Variants in BAZ2B observed in about 807,000 individuals in gnomAD.
BAZ2B encodes the protein bromodomain adjacent to zinc finger domain 2B.
In BAZ2B, 91 loss-of-function variants were observed where a neutral mutation model predicts 246.0. That is an observed-to-expected ratio of 0.37 (90% CI 0.31 to 0.44). The LOEUF is 0.44. BAZ2B is among the 20% of genes least tolerant of loss of function. BAZ2B has a pLI of 1.00. For synonymous variants in BAZ2B, 855 were observed against 860.0 expected, an observed-to-expected ratio of 0.99 and a Z score of 0.10; for missense variants, 2,332 against 2,533.7, an observed-to-expected ratio of 0.92 and a Z score of 1.71.
At chr2:159,343,731 A>G (rs1423260020) in intron 31 of BAZ2B, among the ~76,000 whole-genome samples, 1 of 152,198 alleles carries the variant, frequency 6.6e-6, no homozygotes, top group East Asian at 1.9e-4. Flanking sequence ...GCTATTATCA[A>G]AAAGAAAAAA....
chr2:159,475,310 T>C (rs1204398035), intron 3 of BAZ2B, among the ~76,000 whole-genome samples: 3 of 152,202 alleles, frequency 2.0e-5, no homozygotes, highest in African/African-American at 4.8e-5. Flanking sequence ...GTTGGTTCAA[T>C]CTCTGATATC....
chr2:159,674,419 G>T, the BAZ2B span, among the ~76,000 whole-genome samples: 1 of 151,198 alleles, frequency 6.6e-6, no homozygotes, highest in Admixed American at 6.6e-5. Flanking sequence ...GAAAAGAAAA[G>T]AAAAAAGAAT....
chr2:159,582,603 T>C (rs931214409), intron 1 of BAZ2B, among the ~76,000 whole-genome samples: 5 of 152,164 alleles, frequency 3.3e-5, no homozygotes, highest in Non-Finnish European at 7.3e-5. Flanking sequence ...CAGGCTGGTC[T>C]TGAACTCCTG....
intron 13 of BAZ2B, among the ~76,000 whole-genome samples, chr2:159,421,744 G>A (rs936050539): frequency 7.2e-5 from 11 of 151,840 alleles, no homozygotes; most frequent in South Asian, 2.1e-4. Flanking sequence ...AAATATCCAC[G>A]GTATTCAACA....
chr2:159,521,782 G>T (rs2084163282), intron 2 of BAZ2B, among the ~76,000 whole-genome samples: 1 of 152,030 alleles, frequency 6.6e-6, no homozygotes, highest in Admixed American at 6.5e-5. Context: ...ATCAATGGAT[G>T]CTACCAGAAG....
Position 159,385,243 on chromosome 2 carries a change from T to C in BAZ2B, c.3598A>G (p.Lys1200Glu), listed in dbSNP as rs1170265539. The C allele has an allele frequency of 1.2e-6, 2 of 1,613,496 alleles. No individual in the cohort carries two copies. Among genetic ancestry groups the C allele is most frequent in the Non-Finnish European group, 1.7e-6 (2 of 1,179,694 alleles). The change falls in exon 23 of 37, where the codon AAA becomes GAA. Residue 1200 changes from lysine (K) to glutamate (E), a missense_variant. Physicochemically the swap from Lys to Glu is moderately conservative, Grantham distance 56. Coordinates refer to ENST00000392783, the MANE Select transcript of BAZ2B (RefSeq NM_013450.4). ...GCTGGAGTGTGAGCCTGAAAAGCTT[T>C]GGTCTTCAGACTTTCAGTAAGCTCA... The part of the protein sequence containing the change: ...QTELTESLKT[K>E]AFQAHTPAQK...
intron 16 of BAZ2B, among the ~76,000 whole-genome samples, chr2:159,401,138 A>G (rs1197552274): frequency 6.6e-6 from 1 of 152,258 alleles, no homozygotes; most frequent in Non-Finnish European, 1.5e-5. Flanking sequence ...TCTGAAATTA[A>G]TATGATTTGA....
intron 25 of BAZ2B, among the ~76,000 whole-genome samples, chr2:159,376,284 A>G (rs1412712443): frequency 6.6e-6 from 1 of 152,220 alleles, no homozygotes; most frequent in African/African-American, 2.4e-5. Context: ...AGCCCAGATT[A>G]AAGAAAAATA....
intron 1 of BAZ2B, among the ~76,000 whole-genome samples, chr2:159,596,384 A>G (rs1559866295): frequency 6.6e-6 from 1 of 152,244 alleles, no homozygotes; most frequent in Non-Finnish European, 1.5e-5. Flanking sequence ...ATCCTGTTAG[A>G]AGCACGGCCC....
intron 13 of BAZ2B, among the ~76,000 whole-genome samples, chr2:159,414,777 A>G (rs1331760246): frequency 1.3e-5 from 2 of 151,534 alleles, no homozygotes; most frequent in East Asian, 1.9e-4. Context: ...AGATGGAACC[A>G]CTGTACTCCA....
At chr2:159,630,857 T>C in the BAZ2B span, among the ~76,000 whole-genome samples, 6 of 152,204 alleles carry the variant, frequency 3.9e-5, no homozygotes, top group Non-Finnish European at 5.9e-5. Context: ...TCTTATGCTA[T>C]TATTGGTGGT....
At chr2:159,584,811 T>G (rs1687671493) in intron 1 of BAZ2B, among the ~76,000 whole-genome samples, 1 of 152,170 alleles carries the variant, frequency 6.6e-6, no homozygotes, top group Admixed American at 6.5e-5. Context: ...TTCTCATGAA[T>G]GGCTTAGAAC....
chr2:159,604,372 A>G (rs1036147475), intron 1 of BAZ2B, among the ~76,000 whole-genome samples: 1 of 152,128 alleles, frequency 6.6e-6, no homozygotes, highest in African/African-American at 2.4e-5. Context: ...CCTCTCGAGT[A>G]GCTGGGATTA....
chr2:159,325,590 A>T (rs2148819400), intron 35 of BAZ2B, 63 bp downstream of exon 35: 1 of 1,494,254 alleles, frequency 6.7e-7, no homozygotes, highest in Non-Finnish European at 9.0e-7. Flanking sequence ...ATATGGTAAA[A>T]GGTTTCTAAA....
chr2:159,429,376 T>C (rs1467130451), intron 10 of BAZ2B, 116 bp from the exon 11 acceptor site: 2 of 562,926 alleles, frequency 3.6e-6, no homozygotes, highest in East Asian at 6.3e-5. Context: ...TTTAGTGTAT[T>C]TCTGTAATTT....
intron 3 of BAZ2B, chr2:159,460,005 T>A (rs1230486770): frequency 2.6e-5 from 4 of 152,110 alleles, no homozygotes; most frequent in Non-Finnish European, 5.9e-5. Context: ...ATTATTTTAG[T>A]TTCTATTTTA....
chr2:159,607,707 C>T (rs940944943), intron 1 of BAZ2B, among the ~76,000 whole-genome samples: 5 of 152,136 alleles, frequency 3.3e-5, no homozygotes, highest in African/African-American at 1.2e-4. Flanking sequence ...CTATAATAGG[C>T]TTATGCAGTC....
chr2:159,435,909 G>A (rs1427564576), intron 8 of BAZ2B, among the ~76,000 whole-genome samples: 1 of 152,140 alleles, frequency 6.6e-6, no homozygotes, highest in Non-Finnish European at 1.5e-5. Flanking sequence ...ATAATTCTTT[G>A]TAAATAAAAA....
intron 2 of BAZ2B, among the ~76,000 whole-genome samples, chr2:159,551,378 A>G (rs980083681): frequency 5.3e-5 from 8 of 149,822 alleles, no homozygotes; most frequent in African/African-American, 2.0e-4. Context: ...CTGAGGCAGG[A>G]GAATGGTGTG....
Sources: allele counts gnomAD v4.1 joint callset (sites outside exome capture counted in the v4.1 genomes callset), GRCh38; gene constraint gnomAD v4.1.1; transcripts MANE v1.5; gene names NCBI Gene and HGNC (gene_info 2026-07-23, HGNC 2026-07-21).